MAPK14: variants seen among roughly 807,000 people sequenced by gnomAD.
The protein encoded by MAPK14 is mitogen-activated protein kinase 14, also known as CSAID-binding protein.
In MAPK14, 16 loss-of-function variants were observed where a neutral mutation model predicts 49.6. That is an observed-to-expected ratio of 0.32 (90% confidence interval 0.22 to 0.49). The LOEUF (loss-of-function observed/expected upper bound fraction) is 0.49. Among genes scored for constraint, MAPK14 ranks in the 20% least tolerant of loss-of-function variants. The pLI is 0.99. For missense variants in MAPK14, 200 were observed against 441.2 expected, an observed-to-expected ratio of 0.45 and a Z score of 4.90; for synonymous variants, 142 against 158.0, an observed-to-expected ratio of 0.90 and a Z score of 0.76.
chr6:36,110,721 A>G lies in MAPK14; in HGVS notation c.*2274A>G, dbSNP rs1765941911. 6.6e-6 allele frequency: 1 copy of G among 152,288 alleles called. No individual in the cohort carries two copies. The highest frequency in any genetic ancestry group is 2.4e-5 in the African/African-American group (1 of 41,456). 9.4% of individuals were successfully genotyped at this position (152,288 alleles called of 1,614,324 possible). ...AGTTATGCCGTATAGGATGTCAGAC[A>G]ATACCACTGGTTAAAATAAAGCCTA... On this transcript the variant is annotated 3_prime_UTR_variant, in exon 12 of 12. Coordinates refer to ENST00000229794, the MANE Select transcript of MAPK14 (RefSeq NM_139012.3).
chr6:36,081,025 T>G (rs1457568002), intron 8 of MAPK14, among the ~76,000 whole-genome samples: 1 of 152,152 alleles, frequency 6.6e-6, no homozygotes, highest in Non-Finnish European at 1.5e-5. Flanking sequence ...AATTAGGTTG[T>G]TTGTGTTTTT....
At chr6:36,097,510 G>A (rs1339263053) in intron 9 of MAPK14, 1 of 152,054 alleles carries the variant, frequency 6.6e-6, no homozygotes, top group Non-Finnish European at 1.5e-5. Context: ...TAGAAACACT[G>A]TCTTACAGTA....
intron 3 of MAPK14, among the ~76,000 whole-genome samples, chr6:36,070,836 A>G (rs1581785243): frequency 6.6e-6 from 1 of 151,768 alleles, no homozygotes; most frequent in East Asian, 1.9e-4. Flanking sequence ...AAGAGAGGTC[A>G]CACACACACA....
chr6:36,104,862 A>G (rs1219139211), intron 10 of MAPK14, among the ~76,000 whole-genome samples: 1 of 152,192 alleles, frequency 6.6e-6, no homozygotes, highest in Non-Finnish European at 1.5e-5. Flanking sequence ...TTTAGGTCAC[A>G]TACCTCCTGA....
At chr6:36,043,535 G>A (rs1037090181) in intron 1 of MAPK14, among the ~76,000 whole-genome samples, 5 of 152,156 alleles carry the variant, frequency 3.3e-5, no homozygotes, top group Non-Finnish European at 7.3e-5. Flanking sequence ...AGAAAAGCTA[G>A]GCTTCTGTAA....
At chr6:36,086,145 A>C (rs1764977622) in intron 8 of MAPK14, among the ~76,000 whole-genome samples, 3 of 152,234 alleles carry the variant, frequency 2.0e-5, no homozygotes, top group Non-Finnish European at 4.4e-5. Flanking sequence ...TCTGGGACAC[A>C]GCTAAAGCAG....
downstream of MAPK14, among the ~76,000 whole-genome samples, chr6:36,113,343 T>TAAAAA (rs35876911): frequency 1.7e-4 from 12 of 71,708 alleles, no homozygotes; most frequent in East Asian, 4.7e-4. Flanking sequence ...CCCTGTCTCA[T>TAAAAA]AAAAAAAAAA....
chr6:36,072,355 C>T (rs1423687427), intron 3 of MAPK14, among the ~76,000 whole-genome samples: 5 of 151,886 alleles, frequency 3.3e-5, no homozygotes, highest in South Asian at 2.1e-4. Flanking sequence ...AAAAGAATAG[C>T]GATGTTGAAA....
chr6:36,071,980 T>C (rs2127440325), intron 3 of MAPK14, among the ~76,000 whole-genome samples: 1 of 152,202 alleles, frequency 6.6e-6, no homozygotes, highest in Non-Finnish European at 1.5e-5. Context: ...GCCACAAAGC[T>C]TGGCCTGGTT....
Position 36,028,176 on chromosome 6 carries a change from A to G in MAPK14, c.19A>G (p.Thr7Ala). ...CTGGAAAATGTCTCAGGAGAGGCCC[A>G]CGTTCTACCGGCAGGAGCTGAACAA... MSQERP[T>A]FYRQELNKTI... Residue 7 changes from threonine (T) to alanine (A), a missense_variant, in exon 1 of 12, where the codon ACG becomes GCG. By Grantham distance (58) the Thr-to-Ala change is moderately conservative. Around this residue, in one of 2 missense-constraint regions of MAPK14, gnomAD observed 30 missense variants for 34.2 expected, o/e 0.88. Transcript: ENST00000229794. The surrounding 1 kb of genome is among the most constrained non-coding windows in gnomAD (Gnocchi z 5.1). 6.2e-7 allele frequency: 1 copy of G among 1,613,504 alleles called. No individual in the cohort carries two copies. The highest frequency in any genetic ancestry group is 8.5e-7 in the Non-Finnish European group (1 of 1,179,614).
At chr6:36,111,633 C>G (rs753643914), downstream of MAPK14, among the ~76,000 whole-genome samples, 1 of 152,142 alleles carries the variant, frequency 6.6e-6, no homozygotes, top group African/African-American at 2.4e-5. Flanking sequence ...GAAAGAGCCA[C>G]GGGGTCTCAC....
intron 10 of MAPK14, among the ~76,000 whole-genome samples, chr6:36,104,908 AC>A (rs1211506050): frequency 6.6e-6 from 1 of 151,910 alleles, no homozygotes; most frequent in Non-Finnish European, 1.5e-5. Flanking sequence ...TGACATTGAA[AC>A]CTCCAAAAGA....
At chr6:36,067,855 CT>C (rs1473237712) in intron 3 of MAPK14, among the ~76,000 whole-genome samples, 1 of 151,938 alleles carries the variant, frequency 6.6e-6, no homozygotes, top group Non-Finnish European at 1.5e-5. Flanking sequence ...AATTGAGTGC[CT>C]ACTATCTATC....
chr6:36,098,932 G>T (rs886148992), intron 9 of MAPK14, among the ~76,000 whole-genome samples: 4 of 152,128 alleles, frequency 2.6e-5, no homozygotes, highest in African/African-American at 9.7e-5. Flanking sequence ...TAAAAGGACC[G>T]CAAATCAAAG....
chr6:36,117,548 G>A, the MAPK14 span, among the ~76,000 whole-genome samples: 34,441 of 152,102 alleles, frequency 0.23, 4,952 homozygotes, highest in South Asian at 0.39. Flanking sequence ...ATCATTGGTG[G>A]CACTGATTAC....
chr6:36,053,353 CT>C (rs1189272940), intron 2 of MAPK14, among the ~76,000 whole-genome samples: 1 of 151,352 alleles, frequency 6.6e-6, no homozygotes, highest in African/African-American at 2.4e-5. Flanking sequence ...AATAATTTTT[CT>C]TTTTTTCCAG....
chr6:36,054,533 TTGG>T (rs1763521289), intron 2 of MAPK14, among the ~76,000 whole-genome samples: 1 of 152,236 alleles, frequency 6.6e-6, no homozygotes, highest in Admixed American at 6.5e-5. Flanking sequence ...GTTCTAACAG[TTGG>T]TGGTCACCTA....
At chr6:36,068,069 TG>T (rs1259151334) in intron 3 of MAPK14, among the ~76,000 whole-genome samples, 1 of 151,218 alleles carries the variant, frequency 6.6e-6, no homozygotes, top group Non-Finnish European at 1.5e-5. Flanking sequence ...AGTACAAGGG[TG>T]GGGGGAAGAT....
intron 9 of MAPK14, chr6:36,100,283 CTG>C: frequency 6.3e-7 from 1 of 1,587,676 alleles, no homozygotes; most frequent in Non-Finnish European, 8.7e-7. Context: ...AACAAAGAGA[CTG>C]TACAGGGATG....
Sources: allele counts gnomAD v4.1 joint callset (sites outside exome capture counted in the v4.1 genomes callset), GRCh38; gene constraint gnomAD v4.1.1; regional missense constraint gnomAD v4.1.1; non-coding constraint Gnocchi (gnomAD v3.1); transcripts MANE v1.5; gene names NCBI Gene and HGNC (gene_info 2026-07-23, HGNC 2026-07-21).